SLC39A11: variants seen among roughly 807,000 people sequenced by gnomAD.
The protein encoded by SLC39A11 is zinc transporter ZIP11.
A neutral mutation model predicts 36.1 loss-of-function variants in SLC39A11; 33 were observed. That is an observed-to-expected ratio of 0.91 (90% CI 0.69 to 1.22). SLC39A11 has a LOEUF of 1.22. Ranked by LOEUF, SLC39A11 falls within the 50% of genes most tolerant of loss-of-function variation. The pLI, the probability that SLC39A11 is intolerant of heterozygous loss-of-function variation, is 0.00. For synonymous variants in SLC39A11, 166 were observed against 170.3 expected, an observed-to-expected ratio of 0.97 and a Z score of 0.20; for missense variants, 432 against 430.3, an observed-to-expected ratio of 1.00 and a Z score of -0.03.
intron 4 of SLC39A11, among the ~76,000 whole-genome samples, chr17:72,974,822 G>A (rs2087728718): frequency 1.3e-5 from 2 of 152,268 alleles, no homozygotes; most frequent in Middle Eastern, 3.4e-3. Context: ...GCCCTAGACA[G>A]GTGTACTACC....
intron 5 of SLC39A11, among the ~76,000 whole-genome samples, chr17:72,861,581 TGACA>T (rs1287811872): frequency 6.4e-5 from 9 of 141,302 alleles, no homozygotes; most frequent in South Asian, 2.3e-4. Flanking sequence ...ATAGACAGAT[TGACA>T]GACAGACAGA....
At chr17:72,845,399 G>C (rs9916487) in intron 6 of SLC39A11, among the ~76,000 whole-genome samples, 3,376 of 152,150 alleles carry the variant, frequency 0.022, 127 homozygotes, top group African/African-American at 0.077. Context: ...CCTGCCTCAG[G>C]GCCTTTGCAC....
chr17:72,867,454 C>T (rs1408744679), intron 5 of SLC39A11, among the ~76,000 whole-genome samples: 4 of 152,040 alleles, frequency 2.6e-5, no homozygotes, highest in African/African-American at 4.8e-5. Flanking sequence ...GAGCTGAGAT[C>T]GCGCCACTGT....
chr17:72,788,633 G>A (rs2076597035), intron 6 of SLC39A11, among the ~76,000 whole-genome samples: 1 of 152,240 alleles, frequency 6.6e-6, no homozygotes, highest in East Asian at 1.9e-4. Context: ...AATTTTGGGA[G>A]GCAGGAGGGC....
chr17:72,804,796 C>T lies in SLC39A11; in HGVS notation c.601+44838G>A, dbSNP rs993978345. On this transcript the variant is annotated intron_variant, in intron 6 of 9. Coordinates refer to ENST00000255559, the MANE Select transcript of SLC39A11 (RefSeq NM_139177.4). ...CCAGTGCTCTGGGAGGCCGAGGCAG[C>T]GGATCACGAGGTCAGGGGATCAAGA... Among the ~76,000 whole-genome samples, 13 of 152,070 alleles carry T rather than the reference C, an allele frequency of 8.5e-5. No individual in the cohort carries two copies. In the South Asian group the frequency reaches 2.1e-3, roughly 24 times the overall value.
intron 6 of SLC39A11, among the ~76,000 whole-genome samples, chr17:72,785,785 C>A (rs1255531892): frequency 6.6e-6 from 1 of 152,186 alleles, no homozygotes; most frequent in East Asian, 1.9e-4. Flanking sequence ...ATTGGATTTG[C>A]AGAGCTTGAA....
chr17:72,664,003 G>C (rs539556428), intron 7 of SLC39A11: 2 of 155,392 alleles, frequency 1.3e-5, no homozygotes, highest in Non-Finnish European at 2.9e-5. Flanking sequence ...GGGGATGGTC[G>C]TCCTCTTCAA....
intron 6 of SLC39A11, among the ~76,000 whole-genome samples, chr17:72,756,334 A>G (rs1054771516): frequency 4.6e-5 from 7 of 152,230 alleles, no homozygotes; most frequent in Non-Finnish European, 1.0e-4. Context: ...TTGCCTACCT[A>G]CATTTACAGC....
chr17:72,792,592 CCA>C (rs2076748429), intron 6 of SLC39A11, among the ~76,000 whole-genome samples: 1 of 152,190 alleles, frequency 6.6e-6, no homozygotes, highest in Non-Finnish European at 1.5e-5. Context: ...CTCCTGTGCT[CCA>C]GAGTCCACGC....
At chr17:72,961,227 A>G (rs1598608773) in intron 4 of SLC39A11, among the ~76,000 whole-genome samples, 1 of 152,232 alleles carries the variant, frequency 6.6e-6, no homozygotes, top group East Asian at 1.9e-4. Flanking sequence ...GCGATCATTA[A>G]AAGTCAGGAA....
chr17:72,980,151 T>G (rs2088191393), intron 4 of SLC39A11, among the ~76,000 whole-genome samples: 1 of 152,206 alleles, frequency 6.6e-6, no homozygotes, highest in Non-Finnish European at 1.5e-5. Flanking sequence ...TCTCAAAGAA[T>G]CATCTAAAGA....
chr17:72,923,100 A>G (rs1404607864), intron 5 of SLC39A11, among the ~76,000 whole-genome samples: 2 of 150,550 alleles, frequency 1.3e-5, no homozygotes, highest in African/African-American at 2.4e-5. Context: ...GTCATTTTCT[A>G]TCTAACACTG....
At chr17:73,013,480 G>T (rs1276018148) in intron 4 of SLC39A11, among the ~76,000 whole-genome samples, 1 of 152,186 alleles carries the variant, frequency 6.6e-6, no homozygotes, top group Admixed American at 6.5e-5. Context: ...ACTCATTTCT[G>T]CTGCTGTGTT....
chr17:73,049,261 G>C (rs2059418372), intron 3 of SLC39A11, among the ~76,000 whole-genome samples: 1 of 152,208 alleles, frequency 6.6e-6, no homozygotes, highest in African/African-American at 2.4e-5. Context: ...CTGGGGGCAG[G>C]GGCTTCAACT....
At chr17:72,864,052 T>G (rs988575490) in intron 5 of SLC39A11, among the ~76,000 whole-genome samples, 2 of 152,156 alleles carry the variant, frequency 1.3e-5, no homozygotes, top group African/African-American at 2.4e-5. Flanking sequence ...CCAAGACGCC[T>G]AGGTTCTCTC....
chr17:72,657,965 G>A (rs1446745373), intron 7 of SLC39A11, among the ~76,000 whole-genome samples: 1 of 152,184 alleles, frequency 6.6e-6, no homozygotes, highest in Non-Finnish European at 1.5e-5. Context: ...GCTGTCTCCA[G>A]CCCAGCCCTG....
chr17:72,784,638 G>A (rs1568087037), intron 6 of SLC39A11, among the ~76,000 whole-genome samples: 1 of 151,992 alleles, frequency 6.6e-6, no homozygotes, highest in Non-Finnish European at 1.5e-5. Flanking sequence ...GTGCTGTGGT[G>A]ACAGTGAGTT....
chr17:73,085,344 T>C (rs1200541849), intron 2 of SLC39A11, among the ~76,000 whole-genome samples: 4 of 114,898 alleles, frequency 3.5e-5, no homozygotes, highest in Non-Finnish European at 7.1e-5. Flanking sequence ...CCATCTCTAC[T>C]AAAAATACAA....
chr17:72,868,644 A>G (rs1236187709), intron 5 of SLC39A11, among the ~76,000 whole-genome samples: 1 of 150,146 alleles, frequency 6.7e-6, no homozygotes, highest in African/African-American at 2.5e-5. Flanking sequence ...AAAAAAAAAA[A>G]AAAAAGAAAG....
Sources: gnomAD v4.1 joint callset for allele counts (sites outside exome capture counted in the v4.1 genomes callset) on GRCh38, gnomAD v4.1.1 for gene constraint, MANE v1.5 for transcripts, NCBI Gene and HGNC (gene_info 2026-07-23, HGNC 2026-07-21) for gene names.